HCN1: variants seen among roughly 807,000 people sequenced by gnomAD.
The protein encoded by HCN1 is hyperpolarization activated cyclic nucleotide gated potassium channel 1.
Under a neutral mutation model 78.9 loss-of-function variants are expected in HCN1, and 13 were observed. The ratio of observed to expected loss-of-function variants is 0.16; its 90% CI spans 0.11 to 0.26. The LOEUF (loss-of-function observed/expected upper bound fraction) is 0.26. Ranked by LOEUF, HCN1 falls within the 10% of genes least tolerant of loss-of-function variation. The probability of loss-of-function intolerance (pLI) is 1.00; values close to 1 mark genes in which losing one functional copy is unlikely to be tolerated. For synonymous variants in HCN1, 552 were observed against 455.5 expected (o/e 1.21, Z -2.70); for missense variants, 810 against 1,154.3 (o/e 0.70, Z 4.32).
At chr5:45,309,148 G>C (rs1745797150) in intron 5 of HCN1, among the ~76,000 whole-genome samples, 1 of 151,960 alleles carries the variant, frequency 6.6e-6, no homozygotes, top group African/African-American at 2.4e-5. Context: ...AATGTCTTCT[G>C]AGATTTATCC....
rs540923628 is a variant in HCN1 at position 45,533,863 on chromosome 5, A to G, written c.850-71856T>C. Among the ~76,000 whole-genome samples the G allele has an allele frequency of 3.9e-5, 6 of 152,166 alleles. No homozygotes were observed. The South Asian group carries it at 1.2e-3, about 31-fold the overall frequency. On this transcript the variant is annotated intron_variant, in intron 2 of 7. Transcript: ENST00000303230. ...GACATTGTCCCAAGAAGACAAAGAG[A>G]CCTGACAATAGGGTCATTAGTGGAG...
intron 2 of HCN1, chr5:45,558,962 G>C (rs900883662): frequency 7.5e-6 from 1 of 132,458 alleles, no homozygotes; most frequent in African/African-American, 3.0e-5. Flanking sequence ...GATCTTGCTA[G>C]ATTGCTCAGG....
At chr5:45,604,864 G>A (rs1192115293) in intron 2 of HCN1, among the ~76,000 whole-genome samples, 2 of 151,980 alleles carry the variant, frequency 1.3e-5, no homozygotes, top group Non-Finnish European at 2.9e-5. Flanking sequence ...GTTACCCAAA[G>A]ACCGCATCTA....
intron 1 of HCN1, among the ~76,000 whole-genome samples, chr5:45,684,793 C>T (rs903562411): frequency 1.3e-5 from 2 of 152,234 alleles, no homozygotes; most frequent in African/African-American, 4.8e-5. Flanking sequence ...ACCCAGGAGG[C>T]GGAGGTTGCA....
chr5:45,390,072 C>A (rs1369186164), intron 4 of HCN1, among the ~76,000 whole-genome samples: 2 of 152,160 alleles, frequency 1.3e-5, no homozygotes, highest in East Asian at 3.9e-4. Context: ...AGGGCCTTTG[C>A]ACACTTTGTT....
intron 4 of HCN1, among the ~76,000 whole-genome samples, chr5:45,379,195 A>G (rs1438932598): frequency 1.3e-5 from 2 of 152,130 alleles, no homozygotes; most frequent in Non-Finnish European, 2.9e-5. Context: ...AGGAATCGCC[A>G]CACTGTCTTC....
chr5:45,661,404 C>T (rs1745933750), intron 1 of HCN1, among the ~76,000 whole-genome samples: 1 of 150,502 alleles, frequency 6.6e-6, no homozygotes, highest in Admixed American at 6.6e-5. Context: ...ACTAGAAAAG[C>T]AAGAGCAAAC....
intron 2 of HCN1, among the ~76,000 whole-genome samples, chr5:45,508,676 T>C (rs1415468895): frequency 6.6e-6 from 1 of 152,146 alleles, no homozygotes; most frequent in East Asian, 1.9e-4. Flanking sequence ...GTCAGACTTT[T>C]CTATATAGAA....
chr5:45,570,775 A>G (rs1166856499), intron 2 of HCN1, among the ~76,000 whole-genome samples: 3 of 152,176 alleles, frequency 2.0e-5, no homozygotes, highest in Non-Finnish European at 4.4e-5. Context: ...TAAATAGAGT[A>G]CTAATTCCTT....
intron 3 of HCN1, among the ~76,000 whole-genome samples, chr5:45,436,163 G>T (rs894343032): frequency 1.3e-5 from 2 of 152,140 alleles, no homozygotes; most frequent in African/African-American, 4.8e-5. Context: ...AATGTCACTG[G>T]AGAAGACTCC....
At chr5:45,295,873 G>A (rs886168012) in intron 6 of HCN1, among the ~76,000 whole-genome samples, 3 of 151,988 alleles carry the variant, frequency 2.0e-5, no homozygotes, top group African/African-American at 4.8e-5. Flanking sequence ...TTTCATATTA[G>A]ATAATGAAAT....
chr5:45,372,306 A>G (rs1331337476), intron 4 of HCN1, among the ~76,000 whole-genome samples: 3 of 98,038 alleles, frequency 3.1e-5, no homozygotes, highest in Non-Finnish European at 5.4e-5. Context: ...TATAATATAT[A>G]ATATGTGAAA....
intron 1 of HCN1, among the ~76,000 whole-genome samples, chr5:45,658,570 A>C (rs1442103643): frequency 2.0e-5 from 3 of 151,976 alleles, no homozygotes; most frequent in Non-Finnish European, 4.4e-5. Context: ...GGAGTGCCAG[A>C]CAGTGGGCGC....
chr5:45,305,513 A>G (rs6874127), intron 5 of HCN1, among the ~76,000 whole-genome samples: 52,215 of 152,008 alleles, frequency 0.34, 11,852 homozygotes, highest in African/African-American at 0.63. Flanking sequence ...CATTATTCAA[A>G]TCAAAATACA....
intron 6 of HCN1, among the ~76,000 whole-genome samples, chr5:45,282,103 T>A (rs903997532): frequency 1.3e-5 from 2 of 152,240 alleles, no homozygotes; most frequent in Admixed American, 1.3e-4. Context: ...ATTAATAAAT[T>A]TTGCAATATG....
chr5:45,680,725 C>T (rs368893869), intron 1 of HCN1, among the ~76,000 whole-genome samples: 69 of 152,034 alleles, frequency 4.5e-4, no homozygotes, highest in Middle Eastern at 6.3e-3. Flanking sequence ...AAAATTAAGA[C>T]CTCTTCCTTT....
intron 6 of HCN1, among the ~76,000 whole-genome samples, chr5:45,300,058 T>A (rs1312455606): frequency 6.6e-6 from 1 of 152,090 alleles, no homozygotes; most frequent in Non-Finnish European, 1.5e-5. Flanking sequence ...CATATTCCAG[T>A]CTTTGTATAA....
chr5:45,284,147 G>A (rs2111873489), intron 6 of HCN1, among the ~76,000 whole-genome samples: 1 of 152,202 alleles, frequency 6.6e-6, no homozygotes, highest in Admixed American at 6.5e-5. Flanking sequence ...TGAGGATAGA[G>A]GGTAGGAGAG....
chr5:45,468,132 G>T lies in HCN1; in HGVS notation c.850-6125C>A, dbSNP rs78488490. Among the ~76,000 whole-genome samples, 627 of 152,200 alleles carry T rather than the reference G, an allele frequency of 4.1e-3. 26 individuals are homozygous for T. The East Asian group carries it at 0.11, about 27-fold the overall frequency. On this transcript the variant is annotated intron_variant, in intron 2 of 7. Transcript: ENST00000303230. Reference sequence around the variant, plus strand: ...TGAGGAAAATGTGAAGATACTTCAGGCTGACTTTATTTCCCAAATGGTGTA... The same window carrying T: ...TGAGGAAAATGTGAAGATACTTCAGTCTGACTTTATTTCCCAAATGGTGTA...
Sources: allele counts gnomAD v4.1 joint callset (sites outside exome capture counted in the v4.1 genomes callset), GRCh38; gene constraint gnomAD v4.1.1; transcripts MANE v1.5; gene names NCBI Gene and HGNC (gene_info 2026-07-23, HGNC 2026-07-21).